Variants in DTD1 observed in about 807,000 individuals in gnomAD.
The protein encoded by DTD1 is D-tyrosyl-tRNA deacylase 1 homolog.
Under a neutral mutation model 25.6 loss-of-function variants are expected in DTD1, and 13 were observed. That is an observed-to-expected ratio of 0.51 (90% CI 0.33 to 0.81). The LOEUF (loss-of-function observed/expected upper bound fraction) is 0.81, where lower values mean the gene tolerates loss of function less well. Ranked by LOEUF, DTD1 falls within the 30% of genes least tolerant of loss-of-function variation. DTD1 has a pLI of 0.02. For missense variants in DTD1, 193 were observed against 266.4 expected (o/e 0.72, Z 1.92); for synonymous variants, 110 against 103.6 (o/e 1.06, Z -0.37).
chr20:18,670,578 C>A (rs547159759), intron 4 of DTD1, among the ~76,000 whole-genome samples: 1 of 152,284 alleles, frequency 6.6e-6, no homozygotes, highest in South Asian at 2.1e-4. Context: ...GCCACAGCTC[C>A]CATTGCAGTG....
chr20:18,709,363 A>G (rs776834200), intron 4 of DTD1, among the ~76,000 whole-genome samples: 1 of 152,158 alleles, frequency 6.6e-6, no homozygotes, highest in Non-Finnish European at 1.5e-5. Flanking sequence ...CTTCATCACC[A>G]TCATCATGTT....
chr20:18,626,648 C>T (rs1473457230), intron 3 of DTD1, among the ~76,000 whole-genome samples: 1 of 151,932 alleles, frequency 6.6e-6, no homozygotes, highest in East Asian at 1.9e-4. Context: ...GGGCGCTTTA[C>T]CCTTTGATCT....
intron 3 of DTD1, among the ~76,000 whole-genome samples, chr20:18,601,175 GT>G (rs962316511): frequency 5.9e-5 from 9 of 152,098 alleles, no homozygotes; most frequent in Non-Finnish European, 1.3e-4. Context: ...TTTGCTGTAG[GT>G]TTTTTGAAGA....
At chr20:18,700,614 C>CA (rs1277774440) in intron 4 of DTD1, among the ~76,000 whole-genome samples, 1 of 151,918 alleles carries the variant, frequency 6.6e-6, no homozygotes, top group Non-Finnish European at 1.5e-5. Flanking sequence ...GTGTACCCGT[C>CA]ACCCGAGTGG....
At chr20:18,655,502 T>G (rs1277378507) in intron 4 of DTD1, among the ~76,000 whole-genome samples, 8 of 151,388 alleles carry the variant, frequency 5.3e-5, no homozygotes, top group Non-Finnish European at 1.2e-4. Flanking sequence ...CAAACTCACA[T>G]AAGTAGAGGG....
chr20:18,664,611 A>G (rs1393020924), intron 4 of DTD1, among the ~76,000 whole-genome samples: 1 of 152,146 alleles, frequency 6.6e-6, no homozygotes, highest in Non-Finnish European at 1.5e-5. Flanking sequence ...TGGGGAATGG[A>G]TTTGGCTCAG....
intron 4 of DTD1, among the ~76,000 whole-genome samples, chr20:18,632,874 G>C (rs1269659235): frequency 1.3e-5 from 2 of 152,098 alleles, no homozygotes; most frequent in Non-Finnish European, 2.9e-5. Context: ...ATGTGCATGT[G>C]CATGTGGGTA....
In DTD1 at chr20:18,726,438, A is replaced by AG. The variant is rs372337722; in HGVS notation, c.478-17656dup. Among the ~76,000 whole-genome samples the AG allele has an allele frequency of 7.8e-3, 1,183 of 152,274 alleles. 8 individuals carry two copies. The highest frequency in any genetic ancestry group is 0.012 in the Non-Finnish European group (848 of 68,020). ...ATCTAACACAAATTCAGCAAAGATG[A>AG]GGGGGGTGTTTTTGTCAATCAAGGG... On this transcript the variant is annotated intron_variant, in intron 4 of 5. Coordinates refer to ENST00000377452, the MANE Select transcript of DTD1 (RefSeq NM_080820.6).
rs927390488 is a variant in DTD1 at position 18,764,635 on chromosome 20, T to A, written c.*1295T>A. 6.6e-6 allele frequency: 1 copy of A among 152,190 alleles called. No individual in the cohort carries two copies. The highest frequency in any genetic ancestry group is 1.5e-5 in the Non-Finnish European group (1 of 68,030). 9.4% of individuals were successfully genotyped at this position (152,190 alleles called of 1,614,324 possible). A position where few individuals can be genotyped will look rare whatever the true frequency, so the allele number is the denominator to read the frequency against. On this transcript the variant is annotated 3_prime_UTR_variant, in exon 6 of 6. Coordinates refer to ENST00000377452, the MANE Select transcript of DTD1 (RefSeq NM_080820.6). Reference sequence around the variant, plus strand: ...AACAAAAAAGCTCAAAACACATCTCTTGGAATATAGAGTTGGAAAAGGGTC... The same window carrying A: ...AACAAAAAAGCTCAAAACACATCTCATGGAATATAGAGTTGGAAAAGGGTC...
chr20:18,698,074 A>C (rs148269731), intron 4 of DTD1, among the ~76,000 whole-genome samples: 50 of 152,360 alleles, frequency 3.3e-4, no homozygotes, highest in Admixed American at 7.2e-4. Flanking sequence ...ATTCCAAGAA[A>C]TGGGTATGAA....
intron 3 of DTD1, among the ~76,000 whole-genome samples, chr20:18,625,411 C>A (rs559891687): frequency 1.3e-5 from 2 of 152,352 alleles, no homozygotes; most frequent in South Asian, 2.1e-4. Context: ...TTTCCAGGCA[C>A]CTTTGAGCCA....
At chr20:18,735,963 A>G (rs762961039) in intron 4 of DTD1, among the ~76,000 whole-genome samples, 3 of 152,178 alleles carry the variant, frequency 2.0e-5, no homozygotes, top group East Asian at 1.9e-4. Context: ...TTCATCAACT[A>G]TCATTAGTGT....
chr20:18,589,951 T>C (rs1447634547), intron 1 of DTD1, among the ~76,000 whole-genome samples: 1 of 152,234 alleles, frequency 6.6e-6, no homozygotes, highest in Non-Finnish European at 1.5e-5. Flanking sequence ...CCTCCACTTA[T>C]GCAGGCCTTC....
intron 4 of DTD1, chr20:18,631,555 A>G (rs1192027359): frequency 1.0e-6 from 1 of 985,470 alleles, no homozygotes; most frequent in Non-Finnish European, 1.2e-6. Context: ...CTGCTCTGCC[A>G]CAGTGTCCTT....
chr20:18,654,731 C>T (rs1342088868), intron 4 of DTD1, among the ~76,000 whole-genome samples: 2 of 152,064 alleles, frequency 1.3e-5, no homozygotes, highest in Non-Finnish European at 2.9e-5. Context: ...GTATTTTTCT[C>T]TGTCAGAAAC....
At chr20:18,743,640 C>T (rs1236788488) in intron 4 of DTD1, among the ~76,000 whole-genome samples, 1 of 128,554 alleles carries the variant, frequency 7.8e-6, no homozygotes, top group Non-Finnish European at 1.6e-5. Context: ...CACCACTGTA[C>T]TTCAGCCTGG....
intron 4 of DTD1, chr20:18,675,761 T>C (rs2060968360): frequency 1.3e-5 from 2 of 152,032 alleles, no homozygotes; most frequent in Non-Finnish European, 2.9e-5. Flanking sequence ...AATATACCTA[T>C]GTGTATATTT....
At chr20:18,631,784 A>G in intron 4 of DTD1, 1 of 985,120 alleles carries the variant, frequency 1.0e-6, no homozygotes, top group Non-Finnish European at 1.2e-6. Flanking sequence ...TTTAGTTATT[A>G]TTCTGCTTTA....
chr20:18,705,329 A>G (rs1405523831), intron 4 of DTD1, among the ~76,000 whole-genome samples: 1 of 152,146 alleles, frequency 6.6e-6, no homozygotes, highest in Non-Finnish European at 1.5e-5. Flanking sequence ...CTATCCTCAC[A>G]CGTGGACATG....
Sources: allele counts gnomAD v4.1 joint callset (sites outside exome capture counted in the v4.1 genomes callset), GRCh38; gene constraint gnomAD v4.1.1; transcripts MANE v1.5; gene names NCBI Gene and HGNC (gene_info 2026-07-23, HGNC 2026-07-21).